Variants in MON2 observed in about 807,000 individuals in gnomAD.
The protein encoded by MON2 is protein MON2 homolog.
In MON2, 84 loss-of-function variants were observed where a neutral mutation model predicts 208.6. The ratio of observed to expected loss-of-function variants is 0.40; its 90% confidence interval spans 0.34 to 0.48. The LOEUF (loss-of-function observed/expected upper bound fraction) is 0.48. Ranked by LOEUF, MON2 falls within the 20% of genes least tolerant of loss-of-function variation. The probability of loss-of-function intolerance (pLI) is 0.59; values close to 1 mark genes in which losing one functional copy is unlikely to be tolerated. For missense variants in MON2, 1,611 were observed against 2,015.4 expected (o/e 0.80, Z 3.84); for synonymous variants, 660 against 694.0 (o/e 0.95, Z 0.77).
chr12:62,554,552 C>T (rs1371456627), intron 24 of MON2, among the ~76,000 whole-genome samples: 3 of 152,128 alleles, frequency 2.0e-5, no homozygotes, highest in Non-Finnish European at 2.9e-5. Flanking sequence ...TTGAGTGCAG[C>T]GGCCTGATCG....
intron 2 of MON2, among the ~76,000 whole-genome samples, chr12:62,488,110 T>C (rs2069902325): frequency 6.6e-6 from 1 of 152,210 alleles, no homozygotes; most frequent in South Asian, 2.1e-4. Flanking sequence ...TATGTTTTTC[T>C]ACCTCTCTTT....
At chr12:62,568,665 T>C (rs2136390451) in intron 29 of MON2, among the ~76,000 whole-genome samples, 1 of 152,208 alleles carries the variant, frequency 6.6e-6, no homozygotes, top group African/African-American at 2.4e-5. Flanking sequence ...TATACATCTT[T>C]TTTCTTTTTT....
chr12:62,513,895 A>T (rs2071548356), intron 8 of MON2, among the ~76,000 whole-genome samples: 1 of 146,414 alleles, frequency 6.8e-6, no homozygotes, highest in Non-Finnish European at 1.5e-5. Flanking sequence ...GCTTGCAATG[A>T]GCCGAGATCG....
chr12:62,543,256 A>C (rs1391391485), intron 20 of MON2, 58 bp downstream of exon 20: 12 of 851,808 alleles, frequency 1.4e-5, no homozygotes, highest in Admixed American at 6.2e-5. Context: ...ACACTGAGCT[A>C]ATGATTCTAA....
intron 34 of MON2, chr12:62,588,976 A>G: frequency 1.8e-6 from 2 of 1,101,080 alleles, no homozygotes; most frequent in Non-Finnish European, 1.3e-6. Context: ...GTCTCGAAGC[A>G]CTCTATTTGT....
intron 15 of MON2, 89 bp downstream of exon 15, chr12:62,537,352 ATT>A (rs1234540384): frequency 1.9e-4 from 172 of 915,686 alleles, no homozygotes; most frequent in Non-Finnish European, 2.7e-4. Flanking sequence ...TGTGTCATAC[ATT>A]TATTTACTTT....
In MON2 at chr12:62,537,661, G is replaced by A. The variant is rs79202632; in HGVS notation, c.2073G>A (p.Gly691=). The change falls in exon 16 of 35, where the codon GGG becomes GGA. Residue 691 remains glycine (G), a synonymous_variant. Transcript: ENST00000393630. ...RTLLNLAHCH[G]AVLGTSWQLV... The stretch of plus-strand genomic sequence containing the variant: ...TACTTAACTTGGCGCATTGCCATGG[G>A]GCTGTTCTTGGAACATCATGGCAAC... 5.0e-6 allele frequency: 8 copies of A among 1,613,272 alleles called. No homozygotes were observed. The highest frequency in any genetic ancestry group is 5.1e-6 in the Non-Finnish European group (6 of 1,179,724).
Position 62,584,221 on chromosome 12 carries a change from G to C in MON2, c.4700-1073G>C, listed in dbSNP as rs142525448. ...TGAATTTCTGATTCAGTAAGACTGG[G>C]AGGCATGTGAATTTACATTTCTAAC... On this transcript the variant is annotated intron_variant, in intron 32 of 34. Coordinates refer to ENST00000393630, the MANE Select transcript of MON2 (RefSeq NM_015026.3). 4.5e-3 allele frequency among the ~76,000 whole-genome samples: 681 copies of C among 152,236 alleles called. 6 individuals are homozygous for C. The highest frequency in any genetic ancestry group is 0.016 in the African/African-American group (649 of 41,548).
chr12:62,481,264 C>T (rs899877437), intron 1 of MON2, among the ~76,000 whole-genome samples: 16 of 152,238 alleles, frequency 1.1e-4, no homozygotes, highest in Non-Finnish European at 1.3e-4. Context: ...TGGTGGCTCA[C>T]GCCTGTAATC....
intron 8 of MON2, 88 bp from the exon 9 acceptor site, chr12:62,524,427 T>C (rs1339049224): frequency 1.3e-5 from 14 of 1,053,564 alleles, no homozygotes; most frequent in Non-Finnish European, 1.8e-5. Flanking sequence ...TATTGGTTTG[T>C]CCATAGCACT....
chr12:62,537,987 A>C, intron 16 of MON2, 109 bp from the exon 17 acceptor site: 2 of 927,730 alleles, frequency 2.2e-6, no homozygotes. Context: ...AAAACCTACT[A>C]CTGATTTTAA....
chr12:62,493,678 C>G (rs2070307579), intron 2 of MON2, among the ~76,000 whole-genome samples: 1 of 152,056 alleles, frequency 6.6e-6, no homozygotes. Flanking sequence ...AACCAAAGGA[C>G]AGAGTGTTAG....
At position 62,537,330 on chromosome 12, in the gene MON2, T is replaced by C; in HGVS notation, c.2013+67T>C. The C allele has an allele frequency of 2.6e-6, 3 of 1,134,074 alleles. No homozygotes were observed. In the East Asian group the frequency reaches 7.2e-5, roughly 27 times the overall value. 70.3% of individuals were successfully genotyped at this position (1,134,074 alleles called of 1,614,324 possible). On this transcript the variant is annotated intron_variant, in intron 15 of 34. Transcript: ENST00000393630. ...AGGAAACTTGTTGTACCTATCTTTG[T>C]GTTTGCCAAAATGTGTCATACATTT... is the stretch of plus-strand genomic sequence containing the variant.
At chr12:62,491,985 T>C (rs1014393854) in intron 2 of MON2, among the ~76,000 whole-genome samples, 1 of 152,204 alleles carries the variant, frequency 6.6e-6, no homozygotes, top group Non-Finnish European at 1.5e-5. Context: ...AAAATTTGTC[T>C]CTAGGTTTGA....
chr12:62,476,314 C>T (rs2069078353), intron 1 of MON2, among the ~76,000 whole-genome samples: 1 of 152,192 alleles, frequency 6.6e-6, no homozygotes, highest in South Asian at 2.1e-4. Context: ...CCAGTGTACA[C>T]TTGACTTCGG....
At chr12:62,523,954 A>G (rs1439571063) in intron 8 of MON2, among the ~76,000 whole-genome samples, 1 of 152,144 alleles carries the variant, frequency 6.6e-6, no homozygotes, top group African/African-American at 2.4e-5. Flanking sequence ...GAAATGGTCT[A>G]TATTAGCAAC....
At chr12:62,524,722 A>G in intron 9 of MON2, 83 bp downstream of exon 9, 3 of 1,307,810 alleles carry the variant, frequency 2.3e-6, no homozygotes, top group Non-Finnish European at 3.2e-6. Flanking sequence ...TTAATAAACT[A>G]GTCAGAAGAC....
chr12:62,557,021 G>T (rs1052285933), intron 25 of MON2, among the ~76,000 whole-genome samples: 5 of 152,034 alleles, frequency 3.3e-5, no homozygotes, highest in Non-Finnish European at 5.9e-5. Flanking sequence ...GGATGTGGAG[G>T]TTGCTGCAGT....
intron 1 of MON2, among the ~76,000 whole-genome samples, chr12:62,469,008 G>T (rs1401215344): frequency 1.3e-5 from 2 of 152,094 alleles, no homozygotes; most frequent in Admixed American, 1.3e-4. Context: ...GAGTGCAGTG[G>T]TGCGATCTGC....
Sources: allele counts gnomAD v4.1 joint callset (sites outside exome capture counted in the v4.1 genomes callset), GRCh38; gene constraint gnomAD v4.1.1; transcripts MANE v1.5; gene names NCBI Gene and HGNC (gene_info 2026-07-23, HGNC 2026-07-21).